PLOD2: variants seen among roughly 807,000 people sequenced by gnomAD.
PLOD2 encodes lysine hydroxylase 2.
Under a neutral mutation model 101.0 loss-of-function variants are expected in PLOD2, and 65 were observed. The ratio of observed to expected loss-of-function variants is 0.64; its 90% confidence interval spans 0.53 to 0.79. The LOEUF (loss-of-function observed/expected upper bound fraction) is 0.79. Among genes scored for constraint, PLOD2 ranks in the 30% least tolerant of loss-of-function variants. The pLI is 0.00. For synonymous variants in PLOD2, 314 were observed against 302.9 expected (o/e 1.04, Z -0.38); for missense variants, 909 against 914.6 (o/e 0.99, Z 0.08).
At chr3:146,118,303 A>G (rs1181469516) in intron 3 of PLOD2, among the ~76,000 whole-genome samples, 1 of 152,136 alleles carries the variant, frequency 6.6e-6, no homozygotes, top group Admixed American at 6.6e-5. Flanking sequence ...AGGTAACCAC[A>G]AGCAGAACTT....
chr3:146,133,873 A>T (rs1453818804), intron 1 of PLOD2, among the ~76,000 whole-genome samples: 2 of 152,218 alleles, frequency 1.3e-5, no homozygotes, highest in African/African-American at 4.8e-5. Context: ...AAACAAACAA[A>T]AACAAAAGCT....
In PLOD2 at chr3:146,104,221, G is replaced by T. The variant is rs193236463; in HGVS notation, c.679+58C>A. 3 of 958,264 alleles carry T rather than the reference G, an allele frequency of 3.1e-6. No homozygotes were observed. In the East Asian group the frequency reaches 7.2e-5, roughly 23 times the overall value. The allele number at this position is 958,264 out of a possible 1,614,324, so 59.4% of individuals were successfully genotyped here. On this transcript the variant is annotated intron_variant, in intron 6 of 19. Coordinates refer to ENST00000282903, the MANE Select transcript of PLOD2 (RefSeq NM_182943.3). ...AAATGGACATAACAAAGGAAAGATA[G>T]TTGAAAACACAGGTGTTTGTTTGTA...
At chr3:146,147,668 G>A (rs1000245410) in intron 1 of PLOD2, among the ~76,000 whole-genome samples, 1 of 152,110 alleles carries the variant, frequency 6.6e-6, no homozygotes, top group African/African-American at 2.4e-5. Flanking sequence ...ATATTCCAGG[G>A]GGGACAAAAC....
chr3:146,153,546 T>C (rs2032163206), intron 1 of PLOD2, among the ~76,000 whole-genome samples: 1 of 152,176 alleles, frequency 6.6e-6, no homozygotes, highest in South Asian at 2.1e-4. Context: ...TGAGACACTG[T>C]GTGCTGGGGC....
intron 1 of PLOD2, among the ~76,000 whole-genome samples, chr3:146,126,088 T>A (rs77289236): frequency 0.024 from 3,606 of 152,242 alleles, 146 homozygotes; most frequent in African/African-American, 0.083. Flanking sequence ...GGCCAGACCC[T>A]TGAGTAGACA....
intron 1 of PLOD2, among the ~76,000 whole-genome samples, chr3:146,137,796 A>G (rs911975074): frequency 1.7e-4 from 26 of 152,130 alleles, no homozygotes; most frequent in African/African-American, 4.6e-4. Context: ...CAGGGATCAC[A>G]CTAAAAAAAA....
intron 3 of PLOD2, among the ~76,000 whole-genome samples, chr3:146,111,441 A>G (rs1329912462): frequency 6.6e-6 from 1 of 152,148 alleles, no homozygotes; most frequent in Non-Finnish European, 1.5e-5. Context: ...ACTTAAGTGT[A>G]AAGTATAAAA....
chr3:146,153,656 C>T (rs1461114887), intron 1 of PLOD2, among the ~76,000 whole-genome samples: 2 of 152,114 alleles, frequency 1.3e-5, no homozygotes, highest in Non-Finnish European at 2.9e-5. Context: ...ATATCTATTT[C>T]GCTTGTTGCT....
At chr3:146,130,587 G>A (rs1421920782) in intron 1 of PLOD2, among the ~76,000 whole-genome samples, 1 of 152,148 alleles carries the variant, frequency 6.6e-6, no homozygotes, top group African/African-American at 2.4e-5. Context: ...AATATCATAT[G>A]TCTTGCATGT....
At chr3:146,104,927 G>A (rs1329473956) in intron 5 of PLOD2, 7 of 152,244 alleles carry the variant, frequency 4.6e-5, no homozygotes, top group Admixed American at 3.9e-4. Flanking sequence ...TTCTAGAAAG[G>A]CAACTTAAAG....
At chr3:146,090,952 T>C (rs1055617239) in intron 8 of PLOD2, among the ~76,000 whole-genome samples, 1 of 151,852 alleles carries the variant, frequency 6.6e-6, no homozygotes, top group African/African-American at 2.4e-5. Context: ...CAATGCTTCA[T>C]ACATATAATC....
chr3:146,147,455 G>A (rs760173710), intron 1 of PLOD2, among the ~76,000 whole-genome samples: 2 of 152,170 alleles, frequency 1.3e-5, no homozygotes, highest in African/African-American at 2.4e-5. Context: ...AATTAGAAGT[G>A]TGCCATCAGA....
chr3:146,130,592 G>T (rs144405994), intron 1 of PLOD2, among the ~76,000 whole-genome samples: 2 of 152,122 alleles, frequency 1.3e-5, no homozygotes, highest in African/African-American at 4.8e-5. Context: ...CATATGTCTT[G>T]CATGTAGGTG....
chr3:146,077,915 T>C lies in PLOD2; in HGVS notation c.1510A>G (p.Arg504Gly). 3 of 1,593,880 alleles carry C rather than the reference T, an allele frequency of 1.9e-6. No individual in the cohort carries two copies. The highest frequency in any genetic ancestry group is 2.6e-6 in the Non-Finnish European group (3 of 1,162,072). ...CRNAREMTLQ[R>G]EKDSPTPETF... ...TCCGGAGTAGGGGAGTCTTTTTCCC[T>C]TTGTAAAGTCTAAAATGAAGAGAAG... The change falls in exon 14 of 20, where the codon AGG becomes GGG. Residue 504 changes from arginine (R) to glycine (G), a missense_variant. Transcript: ENST00000282903.
In PLOD2 at chr3:146,145,247, C is replaced by A. The variant is rs534154892; in HGVS notation, c.109+15634G>T. Reference sequence around the variant, plus strand: ...GTTTTTAGCTGTATCATTTTAAACACACACATACAAAACCAAAAACTAAAA... The same window carrying A: ...GTTTTTAGCTGTATCATTTTAAACAAACACATACAAAACCAAAAACTAAAA... On this transcript the variant is annotated intron_variant, in intron 1 of 19. Coordinates refer to ENST00000282903, the MANE Select transcript of PLOD2 (RefSeq NM_182943.3). Among the ~76,000 whole-genome samples, 20 of 152,234 alleles carry A rather than the reference C, an allele frequency of 1.3e-4. 1 individual carries two copies. Among genetic ancestry groups the A allele is most frequent in the Non-Finnish European group, 2.4e-4 (16 of 67,982 alleles).
intron 6 of PLOD2, 41 bp downstream of exon 6, chr3:146,104,234 GTGTT>G (rs763756776): frequency 6.8e-6 from 7 of 1,034,944 alleles, no homozygotes; most frequent in South Asian, 1.3e-5. Flanking sequence ...GAAAACACAG[GTGTT>G]TGTTTGTATA....
At chr3:146,148,420 CAAAGCACTATACCT>C (rs1367709198) in intron 1 of PLOD2, among the ~76,000 whole-genome samples, 1 of 149,316 alleles carries the variant, frequency 6.7e-6, no homozygotes, top group African/African-American at 2.5e-5. Context: ...AAATAATGAG[CAAAGCACTATACCT>C]AAATACGAAG....
At chr3:146,112,489 A>G (rs180734198) in intron 3 of PLOD2, among the ~76,000 whole-genome samples, 9 of 151,896 alleles carry the variant, frequency 5.9e-5, no homozygotes, top group Admixed American at 5.9e-4. Flanking sequence ...CACACAGTGG[A>G]GTTTGTCGGT....
chr3:146,156,279 A>G (rs553126839), intron 1 of PLOD2, among the ~76,000 whole-genome samples: 19 of 152,284 alleles, frequency 1.2e-4, no homozygotes, highest in Admixed American at 7.2e-4. Flanking sequence ...GCCACAACTT[A>G]AGTGGGAATG....
Sources: gnomAD v4.1 joint callset for allele counts (sites outside exome capture counted in the v4.1 genomes callset) on GRCh38, gnomAD v4.1.1 for gene constraint, MANE v1.5 for transcripts, NCBI Gene and HGNC (gene_info 2026-07-23, HGNC 2026-07-21) for gene names.